Variants in MAPK4 observed in about 807,000 individuals in gnomAD.
MAPK4 encodes mitogen-activated protein kinase 4, also known as Erk3-related.
In MAPK4, 22 loss-of-function variants were observed where a neutral mutation model predicts 47.7. That is an observed-to-expected ratio of 0.46 (90% confidence interval 0.33 to 0.66). The LOEUF is 0.66. Ranked by LOEUF, MAPK4 falls within the 30% of genes least tolerant of loss-of-function variation. MAPK4 has a pLI of 0.02. For missense variants in MAPK4, 736 were observed against 831.7 expected (o/e 0.88, Z 1.42); for synonymous variants, 390 against 365.7 (o/e 1.07, Z -0.76).
chr18:50,672,810 G>A (rs1908032125), intron 2 of MAPK4, among the ~76,000 whole-genome samples: 2 of 152,176 alleles, frequency 1.3e-5, no homozygotes, highest in South Asian at 4.2e-4. Flanking sequence ...AGGGAGTCAG[G>A]GGCTTGGAGT....
chr18:50,727,157 C>T (rs1911245996), intron 5 of MAPK4, among the ~76,000 whole-genome samples: 1 of 152,158 alleles, frequency 6.6e-6, no homozygotes. Context: ...TAGATCTTTT[C>T]CTGTTCTGAC....
At chr18:50,601,060 C>G (rs7504876) in intron 1 of MAPK4, among the ~76,000 whole-genome samples, 81,712 of 147,852 alleles carry the variant, frequency 0.55, 22,584 homozygotes, top group African/African-American at 0.63. Context: ...GGATTTGCAA[C>G]CATTCAGGTT....
At chr18:50,655,941 T>TTTATTG (rs2043105352) in intron 1 of MAPK4, among the ~76,000 whole-genome samples, 1 of 152,130 alleles carries the variant, frequency 6.6e-6, no homozygotes, top group Non-Finnish European at 1.5e-5. Context: ...ATTTATTGAA[T>TTTATTG]CCCTCTCTAT....
chr18:50,601,373 T>C (rs1467437403), intron 1 of MAPK4, among the ~76,000 whole-genome samples: 1 of 150,392 alleles, frequency 6.6e-6, no homozygotes, highest in African/African-American at 2.4e-5. Flanking sequence ...AGGGTGCCGT[T>C]GATTGATCTG....
At chr18:50,638,722 G>C (rs1019798822) in intron 1 of MAPK4, among the ~76,000 whole-genome samples, 8 of 152,232 alleles carry the variant, frequency 5.3e-5, no homozygotes, top group Admixed American at 4.6e-4. Flanking sequence ...AGGAATAACT[G>C]AGAGTCAGTA....
At chr18:50,659,099 T>C (rs1568066809) in intron 1 of MAPK4, among the ~76,000 whole-genome samples, 2 of 152,302 alleles carry the variant, frequency 1.3e-5, no homozygotes, top group South Asian at 2.1e-4. Context: ...TGTTGAGTGG[T>C]TTCAACAGAG....
intron 2 of MAPK4, among the ~76,000 whole-genome samples, chr18:50,672,545 A>G (rs9972984): frequency 0.064 from 9,761 of 152,006 alleles, 695 homozygotes; most frequent in African/African-American, 0.18. Context: ...GAGGATCCCG[A>G]GAAGAGGCTC....
chr18:50,621,701 G>C (rs1385916286), intron 1 of MAPK4, among the ~76,000 whole-genome samples: 2 of 152,240 alleles, frequency 1.3e-5, no homozygotes, highest in African/African-American at 2.4e-5. Flanking sequence ...AGTAAGTGCA[G>C]ATGCCACCAG....
chr18:50,626,594 CT>C (rs1375488227), intron 1 of MAPK4, among the ~76,000 whole-genome samples: 1 of 152,164 alleles, frequency 6.6e-6, no homozygotes, highest in Non-Finnish European at 1.5e-5. Context: ...CTCTGGGAAC[CT>C]GTTTTTCCTT....
chr18:50,668,796 G>A (rs1907759432), intron 2 of MAPK4, among the ~76,000 whole-genome samples: 1 of 152,196 alleles, frequency 6.6e-6, no homozygotes, highest in Admixed American at 6.5e-5. Context: ...TGACAAAACT[G>A]GAAGGGAAGG....
chr18:50,672,355 G>A (rs1908003361), intron 2 of MAPK4, among the ~76,000 whole-genome samples: 1 of 152,184 alleles, frequency 6.6e-6, no homozygotes. Flanking sequence ...CAAATCAGTG[G>A]AGCTGAAAAG....
At chr18:50,610,171 C>A (rs1200755824) in intron 1 of MAPK4, among the ~76,000 whole-genome samples, 1 of 152,190 alleles carries the variant, frequency 6.6e-6, no homozygotes, top group Non-Finnish European at 1.5e-5. Context: ...GCATGGGAGG[C>A]CTACCCTGAG....
chr18:50,617,945 G>C (rs2042698730), intron 1 of MAPK4, among the ~76,000 whole-genome samples: 1 of 152,186 alleles, frequency 6.6e-6, no homozygotes. Flanking sequence ...TCTTGAACAT[G>C]TCCCATGACA....
chr18:50,657,574 G>A (rs1403488737), intron 1 of MAPK4, among the ~76,000 whole-genome samples: 2 of 152,088 alleles, frequency 1.3e-5, no homozygotes, highest in Non-Finnish European at 2.9e-5. Flanking sequence ...GAGGCACCCA[G>A]CTCAAATGCC....
At chr18:50,606,585 G>C (rs891898985) in intron 1 of MAPK4, among the ~76,000 whole-genome samples, 2 of 152,136 alleles carry the variant, frequency 1.3e-5, no homozygotes, top group Non-Finnish European at 2.9e-5. Flanking sequence ...GCATTTTCCT[G>C]TCTGCTTCAA....
intron 1 of MAPK4, among the ~76,000 whole-genome samples, chr18:50,569,254 T>C (rs796634257): frequency 6.6e-6 from 1 of 152,384 alleles, no homozygotes; most frequent in African/African-American, 2.4e-5. Context: ...TTTTATGTCA[T>C]GAATTTTTAC....
At chr18:50,722,251 C>A in intron 4 of MAPK4, 152 bp downstream of exon 4, 2 of 818,266 alleles carry the variant, frequency 2.4e-6, no homozygotes, top group Admixed American at 3.1e-5. Flanking sequence ...GGCCTTTGCC[C>A]TAACTACTTC....
intron 2 of MAPK4, among the ~76,000 whole-genome samples, chr18:50,707,627 C>T (rs1910131616): frequency 6.6e-6 from 1 of 150,540 alleles, no homozygotes; most frequent in African/African-American, 2.4e-5. Context: ...GGTTGTACAG[C>T]ATTGTGAATA....
intron 1 of MAPK4, among the ~76,000 whole-genome samples, chr18:50,662,251 C>T (rs573667657): frequency 1.3e-5 from 2 of 152,164 alleles, no homozygotes; most frequent in East Asian, 1.9e-4. Context: ...GTCTCTTAGA[C>T]GCTATGATAT....
Sources: gnomAD v4.1 joint callset for allele counts (sites outside exome capture counted in the v4.1 genomes callset) on GRCh38, gnomAD v4.1.1 for gene constraint, MANE v1.5 for transcripts, NCBI Gene and HGNC (gene_info 2026-07-23, HGNC 2026-07-21) for gene names.